PLD3: variants seen among roughly 807,000 people sequenced by gnomAD.
PLD3 encodes 5'-3' exonuclease PLD3.
PLD3 carries 31 observed loss-of-function variants against 58.4 expected under a neutral mutation model. The observed-to-expected ratio is 0.53, with a 90% confidence interval of 0.40 to 0.72. PLD3 has a LOEUF of 0.72. PLD3 is among the 30% of genes least tolerant of loss of function. The pLI is 0.00. For synonymous variants in PLD3, 264 were observed against 273.4 expected (o/e 0.97, Z 0.34); for missense variants, 595 against 659.8 (o/e 0.90, Z 1.08).
chr19:40,374,247 T>C (rs1317629412), intron 9 of PLD3, among the ~76,000 whole-genome samples: 1 of 152,126 alleles, frequency 6.6e-6, no homozygotes, highest in African/African-American at 2.4e-5. Flanking sequence ...ACAGCCTGGG[T>C]TCGAATCCTG....
intron 1 of PLD3, chr19:40,357,390 C>T (rs1473204104): frequency 1.3e-5 from 2 of 152,270 alleles, no homozygotes; most frequent in Admixed American, 1.3e-4. Context: ...TGCTCCTGGC[C>T]AGCCTGTGGA....
rs370367537 is a variant in PLD3, at chr19:40,367,050, C to T, written c.245+135C>T. On this transcript the variant is annotated intron_variant, in intron 5 of 12. Coordinates refer to ENST00000409735, the MANE Select transcript of PLD3 (RefSeq NM_012268.4). ...TGAGGAGGTTGCAGGCTCCCAAGTGCTCGCCCGCCCCCTCCTCCTCCACAC... is the reference window on the plus strand; with the variant it reads ...TGAGGAGGTTGCAGGCTCCCAAGTGTTCGCCCGCCCCCTCCTCCTCCACAC... The T allele has an allele frequency of 2.1e-5, 19 of 917,756 alleles. No homozygotes were observed. In the South Asian group the frequency reaches 3.1e-4, roughly 15 times the overall value. The allele number at this position is 917,756 out of a possible 1,614,324, so 56.9% of individuals were successfully genotyped here.
chr19:40,366,538 TG>T, intron 3 of PLD3, 28 bp downstream of exon 3: 1 of 1,608,414 alleles, frequency 6.2e-7, no homozygotes, highest in Non-Finnish European at 8.5e-7. Context: ...CTCAGCAGGG[TG>T]GAACTGGGTA....
rs757908510 is a variant in PLD3 at position 40,366,871 on chromosome 19, C to G, written c.201C>G (p.Leu67=). The change falls in exon 5 of 13, where the codon CTC becomes CTG. Residue 67 remains leucine, a synonymous_variant. Coordinates refer to ENST00000409735, the MANE Select transcript of PLD3 (RefSeq NM_012268.4). ...LFLWEYGDLH[L]FGPNQRPAPC... is the part of the protein sequence containing the mutation. ...TATGGGAATACGGCGACTTGCATCT[C>G]TTTGGGCCCAACCAGCGCCCAGCCC... 1 of 1,613,846 alleles carries G rather than the reference C, an allele frequency of 6.2e-7. No homozygotes were observed.
chr19:40,374,220 A>G (rs4803330), intron 9 of PLD3, among the ~76,000 whole-genome samples: 60,802 of 151,984 alleles, frequency 0.4, 13,062 homozygotes, highest in East Asian at 0.67. Context: ...GGGTTAGAGC[A>G]TAAATTCTGG....
At chr19:40,376,823 A>G (rs764209374) in intron 11 of PLD3, 49 bp downstream of exon 11, 1 of 1,538,042 alleles carries the variant, frequency 6.5e-7, no homozygotes, top group Non-Finnish European at 8.8e-7. Flanking sequence ...GGGCAGTCCT[A>G]GGGACACAGC....
chr19:40,355,386 C>T (rs962236076), intron 1 of PLD3, among the ~76,000 whole-genome samples: 2 of 151,456 alleles, frequency 1.3e-5, no homozygotes, highest in African/African-American at 4.9e-5. Flanking sequence ...GATCTCAGCT[C>T]ACCGCAACCT....
rs1180225648 is a variant in PLD3 at position 40,357,127 on chromosome 19, C to G, written c.-279+8359C>G. The G allele has an allele frequency of 2.6e-5, 4 of 152,054 alleles. No homozygotes were observed. In the East Asian group the frequency reaches 7.7e-4, roughly 29 times the overall value. The allele number at this position is 152,054 out of a possible 1,614,324, so 9.4% of individuals were successfully genotyped here. On this transcript the variant is annotated intron_variant, in intron 1 of 12. Transcript: ENST00000409735. ...TCTGTAGACAATTGATGGTTCAGTCCAAAGAGGTCAGAAACAATTGATGGT... is the reference window on the plus strand; with the variant it reads ...TCTGTAGACAATTGATGGTTCAGTCGAAAGAGGTCAGAAACAATTGATGGT...
chr19:40,349,323 G>C (rs1222102173), intron 1 of PLD3, among the ~76,000 whole-genome samples: 4 of 151,934 alleles, frequency 2.6e-5, no homozygotes, highest in Non-Finnish European at 5.9e-5. Flanking sequence ...CTGTTCCTCT[G>C]ACCAGTCACC....
At chr19:40,367,044 C>A in intron 5 of PLD3, 129 bp downstream of exon 5, 1 of 1,023,082 alleles carries the variant, frequency 9.8e-7, no homozygotes, top group Non-Finnish European at 1.4e-6. Context: ...TGCAGGCTCC[C>A]AAGTGCTCGC....
intron 7 of PLD3, 31 bp from the exon 8 acceptor site, chr19:40,370,079 G>T: frequency 6.3e-7 from 1 of 1,590,692 alleles, no homozygotes; most frequent in Non-Finnish European, 8.6e-7. Flanking sequence ...TACCCAGCCT[G>T]GCCCCTGATC....
At chr19:40,363,116 C>T (rs745353972) in intron 1 of PLD3, among the ~76,000 whole-genome samples, 6 of 152,144 alleles carry the variant, frequency 3.9e-5, no homozygotes, top group Non-Finnish European at 5.9e-5. Flanking sequence ...CCAGCCCTGA[C>T]GCTGCCAGCC....
intron 8 of PLD3, chr19:40,370,789 C>T (rs940001185): frequency 6.5e-6 from 1 of 153,902 alleles, no homozygotes; most frequent in African/African-American, 2.4e-5. Flanking sequence ...ATTCAAGAAC[C>T]TGCGCACCCA....
At position 40,378,156 on chromosome 19, in the gene PLD3, G is replaced by C. The variant is rs777686845; in HGVS notation, c.1456G>C (p.Ala486Pro). Reference protein sequence around the residue: ...LDTSADSVGNACRLL With the variant: ...LDTSADSVGNPCRLL ...CACCTCAGCTGACAGCGTGGGCAACGCCTGCCGCCTGCTCTGAGGCCCGAT... is the reference window on the plus strand; with the variant it reads ...CACCTCAGCTGACAGCGTGGGCAACCCCTGCCGCCTGCTCTGAGGCCCGAT... Residue 486 changes from alanine to proline, a missense_variant, in exon 13 of 13, where the codon GCC becomes CCC. Physicochemically the swap from Ala to Pro is conservative, Grantham distance 27. Coordinates refer to ENST00000409735, the MANE Select transcript of PLD3 (RefSeq NM_012268.4). 1.9e-6 allele frequency: 3 copies of C among 1,609,558 alleles called. No individual in the cohort carries two copies. Among genetic ancestry groups the C allele is most frequent in the Non-Finnish European group, 1.7e-6 (2 of 1,177,622 alleles).
intron 1 of PLD3, among the ~76,000 whole-genome samples, chr19:40,360,878 A>G (rs2078764691): frequency 6.6e-6 from 1 of 152,210 alleles, no homozygotes; most frequent in African/African-American, 2.4e-5. Context: ...CCTAAATCTG[A>G]TTACAATTGC....
chr19:40,363,560 A>G (rs1272404253), intron 1 of PLD3, among the ~76,000 whole-genome samples: 1 of 152,158 alleles, frequency 6.6e-6, no homozygotes, highest in Admixed American at 6.6e-5. Flanking sequence ...TCTCCCGAGT[A>G]GCTGGGATTA....
chr19:40,352,377 C>T (rs139382883), intron 1 of PLD3, among the ~76,000 whole-genome samples: 350 of 152,210 alleles, frequency 2.3e-3, no homozygotes, highest in African/African-American at 7.6e-3. Flanking sequence ...CTGTCCCAGA[C>T]GGTGGGGGGC....
intron 9 of PLD3, among the ~76,000 whole-genome samples, chr19:40,373,609 G>A (rs375064013): frequency 6.8e-4 from 103 of 151,100 alleles, no homozygotes; most frequent in Admixed American, 1.9e-3. Flanking sequence ...GCGGGGGAGC[G>A]GGGGAACTGG....
chr19:40,378,176 C>A lies in PLD3; in HGVS notation c.*3C>A. On this transcript the variant is annotated 3_prime_UTR_variant, in exon 13 of 13. Coordinates refer to ENST00000409735, the MANE Select transcript of PLD3 (RefSeq NM_012268.4). ...GCAACGCCTGCCGCCTGCTCTGAGG[C>A]CCGATCCAGTGGGCAGGCCAAGGCC... 1.2e-6 allele frequency: 2 copies of A among 1,604,860 alleles called. No homozygotes were observed. The highest frequency in any genetic ancestry group is 1.7e-6 in the Non-Finnish European group (2 of 1,175,004).
Sources: gnomAD v4.1 joint callset for allele counts (sites outside exome capture counted in the v4.1 genomes callset) on GRCh38, gnomAD v4.1.1 for gene constraint, MANE v1.5 for transcripts, NCBI Gene and HGNC (gene_info 2026-07-23, HGNC 2026-07-21) for gene names.